The following CNTNAP2 variants were observed in gnomAD, a reference collection of about 807,000 sequenced individuals.
The protein encoded by CNTNAP2 is contactin associated protein 2.
CNTNAP2 carries 98 observed loss-of-function variants against 155.2 expected under a neutral mutation model. The ratio of observed to expected loss-of-function variants is 0.63; its 90% CI spans 0.54 to 0.75. The LOEUF (loss-of-function observed/expected upper bound fraction) is 0.75, where lower values mean the gene tolerates loss of function less well. Among genes scored for constraint, CNTNAP2 ranks in the 30% least tolerant of loss-of-function variants. The pLI is 0.00. For missense variants in CNTNAP2, 1,727 were observed against 1,688.1 expected (o/e 1.02, Z -0.40); for synonymous variants, 651 against 631.2 (o/e 1.03, Z -0.47).
chr7:147,745,333 A>G (rs886218128), intron 13 of CNTNAP2, among the ~76,000 whole-genome samples: 16 of 152,250 alleles, frequency 1.1e-4, no homozygotes, highest in African/African-American at 3.6e-4. Context: ...AGGGAAGGCA[A>G]TCTTCCTCTC....
Position 146,747,774 on chromosome 7 carries a change from C to T in CNTNAP2, c.98-26497C>T, listed in dbSNP as rs1407788432. 2.0e-5 allele frequency among the ~76,000 whole-genome samples: 3 copies of T among 152,202 alleles called. No individual in the cohort carries two copies. In the East Asian group the frequency reaches 5.8e-4, roughly 29 times the overall value. Reference sequence around the variant, plus strand: ...CGGATTCCTAAAAATTTCTCCCAGGCAAGTCCTTACATATAGATCCCCTAT... The same window carrying T: ...CGGATTCCTAAAAATTTCTCCCAGGTAAGTCCTTACATATAGATCCCCTAT... On this transcript the variant is annotated intron_variant, in intron 1 of 23. Transcript: ENST00000361727.
chr7:148,143,710 G>C (rs182444997), intron 16 of CNTNAP2, among the ~76,000 whole-genome samples: 2 of 152,202 alleles, frequency 1.3e-5, no homozygotes, highest in South Asian at 4.2e-4. Flanking sequence ...TTTAAAAGTT[G>C]AACAATGTCA....
At chr7:148,153,268 T>TTCA (rs1307146249) in intron 17 of CNTNAP2, among the ~76,000 whole-genome samples, 1 of 149,178 alleles carries the variant, frequency 6.7e-6, no homozygotes, top group Non-Finnish European at 1.5e-5. Flanking sequence ...GAAGACACAG[T>TTCA]TCACCTCACT....
intron 21 of CNTNAP2, among the ~76,000 whole-genome samples, chr7:148,336,505 AC>A (rs1158658159): frequency 6.6e-6 from 1 of 150,980 alleles, no homozygotes; most frequent in Non-Finnish European, 1.5e-5. Flanking sequence ...GTGAGTACTG[AC>A]TGGCTCCTGT....
In CNTNAP2 at chr7:147,269,019, G is replaced by T. The variant is rs559159316; in HGVS notation, c.1349-31122G>T. Among the ~76,000 whole-genome samples, 28 of 152,196 alleles carry T rather than the reference G, an allele frequency of 1.8e-4. No homozygotes were observed. In the South Asian group the frequency reaches 5.6e-3, roughly 30 times the overall value. On this transcript the variant is annotated intron_variant, in intron 8 of 23. Transcript: ENST00000361727. ...GCTCGAGTCTCTAATTTTTTAAGAT[G>T]TCAAGTGCTTTACTAGAAATACTTA...
chr7:147,680,841 T>C (rs951461447), intron 13 of CNTNAP2, among the ~76,000 whole-genome samples: 1 of 151,076 alleles, frequency 6.6e-6, no homozygotes, highest in Admixed American at 6.9e-5. Flanking sequence ...AACTAATACC[T>C]ACAAAATATA....
chr7:147,660,785 C>T (rs1795596777), intron 13 of CNTNAP2, among the ~76,000 whole-genome samples: 2 of 152,196 alleles, frequency 1.3e-5, no homozygotes, highest in South Asian at 2.1e-4. Flanking sequence ...TTCAAACAGC[C>T]TTTGCTTAAA....
chr7:146,660,513 A>G (rs1442174032), intron 1 of CNTNAP2, among the ~76,000 whole-genome samples: 1 of 152,228 alleles, frequency 6.6e-6, no homozygotes, highest in African/African-American at 2.4e-5. Context: ...TTACAAAATT[A>G]AAAGAGGTAA....
At chr7:146,797,254 T>C (rs1475816987) in intron 2 of CNTNAP2, among the ~76,000 whole-genome samples, 2 of 152,144 alleles carry the variant, frequency 1.3e-5, no homozygotes, top group African/African-American at 4.8e-5. Context: ...GGACACAGGA[T>C]GGAAAAGCAC....
At position 147,448,344 on chromosome 7, in the gene CNTNAP2, T is replaced by C. The variant is rs535563751; in HGVS notation, c.1671-37591T>C. On this transcript the variant is annotated intron_variant, in intron 10 of 23. Coordinates refer to ENST00000361727, the MANE Select transcript of CNTNAP2 (RefSeq NM_014141.6). ...TTTATAACTAGAGAGATTTTTAAAA[T>C]GTTAGCAGTATTTTTTCCCCAGATT... Among the ~76,000 whole-genome samples, 22 of 152,178 alleles carry C rather than the reference T, an allele frequency of 1.4e-4. No individual in the cohort carries two copies. In the East Asian group the frequency reaches 4.1e-3, roughly 28 times the overall value.
chr7:146,805,200 C>G (rs1393190819), intron 2 of CNTNAP2, among the ~76,000 whole-genome samples: 1 of 152,046 alleles, frequency 6.6e-6, no homozygotes. Flanking sequence ...GACCATATGG[C>G]CACTGAAATC....
At chr7:146,925,801 A>G (rs1297728177) in intron 3 of CNTNAP2, among the ~76,000 whole-genome samples, 1 of 152,152 alleles carries the variant, frequency 6.6e-6, no homozygotes, top group Non-Finnish European at 1.5e-5. Flanking sequence ...TGTAGCAGCA[A>G]CATTCAGCTA....
intron 1 of CNTNAP2, among the ~76,000 whole-genome samples, chr7:146,464,617 T>A (rs7779185): frequency 0.59 from 89,172 of 151,762 alleles, 29,058 homozygotes; most frequent in South Asian, 0.82. Context: ...CCTCCTCCAA[T>A]TCCACAGCTA....
chr7:148,077,056 C>T (rs1481303052), intron 15 of CNTNAP2, among the ~76,000 whole-genome samples: 6 of 152,100 alleles, frequency 3.9e-5, no homozygotes, highest in Admixed American at 6.5e-5. Context: ...GTCTGTAATC[C>T]CAGCACTTTG....
intron 8 of CNTNAP2, among the ~76,000 whole-genome samples, chr7:147,138,932 T>TG (rs1299662132): frequency 1.3e-5 from 2 of 151,898 alleles, no homozygotes; most frequent in East Asian, 3.9e-4. Context: ...AACCAGACTG[T>TG]GTTTCAAAAG....
At chr7:147,942,999 T>C (rs1307656445) in intron 14 of CNTNAP2, among the ~76,000 whole-genome samples, 2 of 151,572 alleles carry the variant, frequency 1.3e-5, no homozygotes, top group African/African-American at 4.9e-5. Flanking sequence ...ATCAGGCCAC[T>C]GCACACCAGC....
chr7:147,343,458 G>T (rs1175129594), intron 9 of CNTNAP2, among the ~76,000 whole-genome samples: 1 of 151,934 alleles, frequency 6.6e-6, no homozygotes, highest in African/African-American at 2.4e-5. Flanking sequence ...AAGATGAATT[G>T]CCCACTATCT....
intron 20 of CNTNAP2, among the ~76,000 whole-genome samples, chr7:148,259,711 A>G (rs149365740): frequency 1.1e-3 from 168 of 152,300 alleles, no homozygotes; most frequent in African/African-American, 3.9e-3. Context: ...ATCCCTTCAA[A>G]CTCTGCCAAC....
intron 4 of CNTNAP2, among the ~76,000 whole-genome samples, chr7:147,064,368 T>G (rs931563632): frequency 8.5e-5 from 13 of 152,196 alleles, no homozygotes; most frequent in African/African-American, 3.1e-4. Context: ...TATATTGCTG[T>G]TAAGTGCATA....
Sources: gnomAD v4.1 joint callset for allele counts (sites outside exome capture counted in the v4.1 genomes callset) on GRCh38, gnomAD v4.1.1 for gene constraint, MANE v1.5 for transcripts, NCBI Gene and HGNC (gene_info 2026-07-23, HGNC 2026-07-21) for gene names.